KIF6: variants seen among roughly 807,000 people sequenced by gnomAD.
KIF6 encodes the protein kinesin-like protein KIF6.
KIF6 carries 106 observed loss-of-function variants against 112.7 expected under a neutral mutation model. The observed-to-expected ratio is 0.94, with a 90% confidence interval of 0.80 to 1.11. The LOEUF (loss-of-function observed/expected upper bound fraction) is 1.11, where lower values mean the gene tolerates loss of function less well. Ranked by LOEUF, KIF6 falls within the 50% of genes least tolerant of loss-of-function variation. KIF6 has a pLI of 0.00. For synonymous variants in KIF6, 339 were observed against 339.9 expected (o/e 1.00, Z 0.03); for missense variants, 929 against 964.0 (o/e 0.96, Z 0.48).
At chr6:39,405,450 T>C (rs2150345178) in intron 15 of KIF6, among the ~76,000 whole-genome samples, 1 of 152,376 alleles carries the variant, frequency 6.6e-6, no homozygotes, top group South Asian at 2.1e-4. Context: ...AATACTTTCC[T>C]GTGCCACTTT....
At position 39,714,782 on chromosome 6, in the gene KIF6, T is replaced by G. The variant is rs1200937661; in HGVS notation, c.177-16A>C. ...TCTTTGAAATCTGCAATGTGAAAAA[T>G]AGTAATTATTTAAAAGCTGCACCTC... On this transcript the variant is annotated splice_polypyrimidine_tract_variant and intron_variant, in intron 2 of 22. Transcript: ENST00000287152. 1.3e-6 allele frequency: 2 copies of G among 1,546,750 alleles called. No homozygotes were observed. The highest frequency in any genetic ancestry group is 2.7e-5 in the African/African-American group (2 of 73,502).
intron 6 of KIF6, among the ~76,000 whole-genome samples, chr6:39,609,540 G>A (rs749000234): frequency 4.6e-5 from 7 of 152,108 alleles, no homozygotes; most frequent in Non-Finnish European, 7.4e-5. Flanking sequence ...CCCTCATGGG[G>A]TCAACGGATC....
Position 39,610,407 on chromosome 6 carries a change from T to C in KIF6, c.639+2782A>G, listed in dbSNP as rs907903235. On this transcript the variant is annotated intron_variant, in intron 6 of 22. Transcript: ENST00000287152. ...TGAAAGGAAAGAGCACTCCACTTTGTGTCCCACATATTCAGACTTTGTTTT... is the reference window on the plus strand; with the variant it reads ...TGAAAGGAAAGAGCACTCCACTTTGCGTCCCACATATTCAGACTTTGTTTT... Among the ~76,000 whole-genome samples, 20 of 152,224 alleles carry C rather than the reference T, an allele frequency of 1.3e-4. 1 individual carries two copies. The highest frequency in any genetic ancestry group is 4.6e-4 in the Admixed American group (7 of 15,276).
At chr6:39,505,665 A>T (rs908893596) in intron 13 of KIF6, among the ~76,000 whole-genome samples, 1 of 152,236 alleles carries the variant, frequency 6.6e-6, no homozygotes, top group Admixed American at 6.5e-5. Flanking sequence ...GAAAACAACC[A>T]AACAACCCCA....
chr6:39,426,743 T>C (rs1462900283), intron 14 of KIF6, among the ~76,000 whole-genome samples: 3 of 151,968 alleles, frequency 2.0e-5, no homozygotes, highest in African/African-American at 7.3e-5. Flanking sequence ...AGAGTGAGAC[T>C]CTGTCTCTTC....
intron 18 of KIF6, among the ~76,000 whole-genome samples, chr6:39,358,401 C>T (rs997717681): frequency 3.3e-5 from 5 of 152,230 alleles, no homozygotes; most frequent in African/African-American, 1.2e-4. Flanking sequence ...ACCAGTGTAT[C>T]CCACCATCCC....
chr6:39,520,193 AG>A (rs1428167593), intron 13 of KIF6, among the ~76,000 whole-genome samples: 1 of 152,244 alleles, frequency 6.6e-6, no homozygotes, highest in Non-Finnish European at 1.5e-5. Flanking sequence ...GGCCAGGAGA[AG>A]GGTTAAAGGT....
At chr6:39,671,048 G>T (rs560875145) in intron 3 of KIF6, among the ~76,000 whole-genome samples, 2 of 152,260 alleles carry the variant, frequency 1.3e-5, no homozygotes, top group African/African-American at 4.8e-5. Flanking sequence ...ATTACTGTGG[G>T]AATATATCAA....
intron 3 of KIF6, among the ~76,000 whole-genome samples, chr6:39,696,898 T>G (rs764540804): frequency 6.6e-6 from 1 of 151,890 alleles, no homozygotes; most frequent in South Asian, 2.1e-4. Context: ...AATGTATAGG[T>G]ATCTGTAAAC....
intron 13 of KIF6, among the ~76,000 whole-genome samples, chr6:39,444,829 T>TA (rs75229210): frequency 0.021 from 2,876 of 140,124 alleles, 88 homozygotes; most frequent in African/African-American, 0.068. Context: ...CAGAGATGGT[T>TA]AAAAAAAAAA....
chr6:39,426,582 C>G (rs1251270967), intron 14 of KIF6, among the ~76,000 whole-genome samples: 1 of 152,104 alleles, frequency 6.6e-6, no homozygotes, highest in Non-Finnish European at 1.5e-5. Flanking sequence ...AGAGGGACCT[C>G]ATCTCTACAA....
At chr6:39,464,683 C>G (rs1327985196) in intron 13 of KIF6, among the ~76,000 whole-genome samples, 2 of 152,182 alleles carry the variant, frequency 1.3e-5, no homozygotes, top group Non-Finnish European at 2.9e-5. Context: ...GTGGGGCCAG[C>G]TGGAATGCTC....
chr6:39,468,979 A>G (rs533802299), intron 13 of KIF6, among the ~76,000 whole-genome samples: 49 of 152,234 alleles, frequency 3.2e-4, no homozygotes, highest in Middle Eastern at 3.4e-3. Flanking sequence ...GGAGTAATGA[A>G]ATGACACCAG....
chr6:39,389,560 T>C (rs906163054), intron 15 of KIF6, among the ~76,000 whole-genome samples: 8 of 152,180 alleles, frequency 5.3e-5, no homozygotes, highest in South Asian at 2.1e-4. Flanking sequence ...CGTGTGCTCT[T>C]TCTTTTAAGT....
At chr6:39,476,080 T>C (rs995502953) in intron 13 of KIF6, among the ~76,000 whole-genome samples, 1 of 151,942 alleles carries the variant, frequency 6.6e-6, no homozygotes, top group African/African-American at 2.4e-5. Context: ...TCAGTATAAA[T>C]AGCTAATGCA....
intron 5 of KIF6, among the ~76,000 whole-genome samples, chr6:39,621,798 G>C (rs1425509813): frequency 6.6e-6 from 1 of 152,090 alleles, no homozygotes; most frequent in African/African-American, 2.4e-5. Context: ...CTGAACATTA[G>C]TTTTTAAATT....
chr6:39,568,736 A>C (rs984490408), intron 10 of KIF6, among the ~76,000 whole-genome samples: 1 of 151,918 alleles, frequency 6.6e-6, no homozygotes, highest in Non-Finnish European at 1.5e-5. Flanking sequence ...TTTTTAGTAG[A>C]GATGGGGTTT....
intron 12 of KIF6, among the ~76,000 whole-genome samples, chr6:39,542,120 G>A (rs1445504565): frequency 1.3e-5 from 2 of 152,208 alleles, no homozygotes; most frequent in South Asian, 2.1e-4. Flanking sequence ...TCGTAAACCA[G>A]AGCAAGGAGT....
intron 3 of KIF6, among the ~76,000 whole-genome samples, chr6:39,710,469 G>GAAAAAAAAAAAAAACAAA (rs11371063): frequency 7.1e-6 from 1 of 140,016 alleles, no homozygotes; most frequent in Non-Finnish European, 1.5e-5. Flanking sequence ...AAAGAAGACA[G>GAAAAAAAAAAAAAACAAA]AAAAAAAAAA....
Sources: gnomAD v4.1 joint callset for allele counts (sites outside exome capture counted in the v4.1 genomes callset) on GRCh38, gnomAD v4.1.1 for gene constraint, MANE v1.5 for transcripts, NCBI Gene and HGNC (gene_info 2026-07-23, HGNC 2026-07-21) for gene names.